Variants in SYNJ1 observed in about 807,000 individuals in gnomAD.
SYNJ1 encodes polyphosphatidylinositol phosphatase SYNJ1.
In SYNJ1, 78 loss-of-function variants were observed where a neutral mutation model predicts 168.2. That is an observed-to-expected ratio of 0.46 (90% CI 0.39 to 0.56). The LOEUF (loss-of-function observed/expected upper bound fraction) is 0.56, where lower values mean the gene tolerates loss of function less well. SYNJ1 is among the 20% of genes least tolerant of loss of function. The pLI is 0.00. For synonymous variants in SYNJ1, 539 were observed against 548.6 expected (o/e 0.98, Z 0.24); for missense variants, 1,303 against 1,597.6 (o/e 0.82, Z 3.14).
intron 6 of SYNJ1, among the ~76,000 whole-genome samples, chr21:32,688,971 G>A (rs2041927493): frequency 6.6e-6 from 1 of 152,158 alleles, no homozygotes; most frequent in Non-Finnish European, 1.5e-5. Flanking sequence ...AGTCAACCTT[G>A]CCATCACCCA....
Position 32,631,044 on chromosome 21 carries a change from G to T in SYNJ1, c.*761C>A. On this transcript the variant is annotated 3_prime_UTR_variant, in exon 33 of 33. Transcript: ENST00000674351. ...GGGTGAAGCCTTAGAGGCCAAGGTC[G>T]TGAAAGGATCTACTGGAGGGCTGGT... is the stretch of plus-strand genomic sequence containing the variant. 6.2e-7 allele frequency: 1 copy of T among 1,614,104 alleles called. No homozygotes were observed.
In SYNJ1 at chr21:32,646,610, A is replaced by G; in HGVS notation, c.3038-8T>C. The G allele has an allele frequency of 6.2e-7, 1 of 1,610,578 alleles. No homozygotes were observed. On this transcript the variant is annotated splice_polypyrimidine_tract_variant and splice_region_variant and intron_variant, in intron 23 of 32. Coordinates refer to ENST00000674351, the MANE Select transcript of SYNJ1 (RefSeq NM_203446.3). The stretch of plus-strand genomic sequence containing the variant: ...TATAGTCATCAACATCACCTAAGGA[A>G]AAGCAGGCTTGATCAGAGATAACTC...
chr21:32,641,126 G>A (rs1274577026), intron 29 of SYNJ1, among the ~76,000 whole-genome samples: 1 of 152,282 alleles, frequency 6.6e-6, no homozygotes, highest in East Asian at 1.9e-4. Flanking sequence ...CATAGGAAGT[G>A]GTTTCCTCAG....
chr21:32,695,671 ATTT>A (rs1196185205), intron 4 of SYNJ1, among the ~76,000 whole-genome samples: 1 of 148,810 alleles, frequency 6.7e-6, no homozygotes, highest in African/African-American at 2.5e-5. Context: ...TTATTTATTT[ATTT>A]ATTTTTGAGA....
At chr21:32,721,452 G>A (rs1184966863) in intron 2 of SYNJ1, among the ~76,000 whole-genome samples, 3 of 152,196 alleles carry the variant, frequency 2.0e-5, no homozygotes, top group Non-Finnish European at 2.9e-5. Context: ...GCTGAGGTGG[G>A]TGGATCACAA....
intron 2 of SYNJ1, among the ~76,000 whole-genome samples, chr21:32,706,664 G>A (rs1411344975): frequency 1.3e-5 from 2 of 152,010 alleles, no homozygotes; most frequent in Non-Finnish European, 2.9e-5. Flanking sequence ...TTTTATCTCT[G>A]ACGTTAATAA....
rs138603493 is a variant in SYNJ1 at position 32,658,081 on chromosome 21, A to T, written c.2305-209T>A. 2.5e-3 allele frequency among the ~76,000 whole-genome samples: 376 copies of T among 152,346 alleles called. 2 individuals are homozygous for T. Among genetic ancestry groups the T allele is most frequent in the African/African-American group, 7.8e-3 (325 of 41,594 alleles). ...TTTCATACCCATAGGGACAGGAGAC[A>T]GGGAAATTCTGGGCAGAAGTGGGTG... is the stretch of plus-strand genomic sequence containing the variant. On this transcript the variant is annotated intron_variant, in intron 18 of 32. Coordinates refer to ENST00000674351, the MANE Select transcript of SYNJ1 (RefSeq NM_203446.3).
chr21:32,673,189 T>C (rs1226524869), intron 14 of SYNJ1, 151 bp downstream of exon 14: 2 of 539,588 alleles, frequency 3.7e-6, no homozygotes, highest in African/African-American at 3.9e-5. Flanking sequence ...TTTTAATAGA[T>C]GTGATCTTTA....
chr21:32,704,404 C>T (rs1455137829), intron 2 of SYNJ1, among the ~76,000 whole-genome samples: 1 of 152,206 alleles, frequency 6.6e-6, no homozygotes, highest in Non-Finnish European at 1.5e-5. Flanking sequence ...ACATTTGTAT[C>T]TGAAGGACAG....
chr21:32,710,614 C>T (rs1391788503), intron 2 of SYNJ1, among the ~76,000 whole-genome samples: 1 of 151,962 alleles, frequency 6.6e-6, no homozygotes, highest in African/African-American at 2.4e-5. Context: ...AACCTGAAAC[C>T]CCTGGGCTCA....
chr21:32,728,035 C>T, upstream of SYNJ1: 1 of 1,531,908 alleles, frequency 6.5e-7, no homozygotes, highest in South Asian at 1.2e-5. Context: ...CCCATCTCTT[C>T]CGCATTGCGC....
chr21:32,669,211 A>AT (rs911506190), intron 15 of SYNJ1, among the ~76,000 whole-genome samples: 13 of 152,260 alleles, frequency 8.5e-5, no homozygotes, highest in African/African-American at 3.1e-4. Context: ...TTGGAATACA[A>AT]TTTTCCCTTA....
chr21:32,657,386 T>C (rs969786515), intron 19 of SYNJ1, among the ~76,000 whole-genome samples: 2 of 152,212 alleles, frequency 1.3e-5, no homozygotes, highest in African/African-American at 2.4e-5. Context: ...TGGTGTTTCA[T>C]AAACAATTCA....
At chr21:32,716,782 A>G (rs2043038330) in intron 2 of SYNJ1, among the ~76,000 whole-genome samples, 1 of 152,124 alleles carries the variant, frequency 6.6e-6, no homozygotes, top group South Asian at 2.1e-4. Context: ...ATATTGGGTC[A>G]CCGGAAGTCG....
chr21:32,726,134 C>T lies in SYNJ1; in HGVS notation c.124+638G>A, dbSNP rs191434516. 1.4e-4 allele frequency among the ~76,000 whole-genome samples: 22 copies of T among 152,356 alleles called. No individual in the cohort carries two copies. The East Asian group carries it at 3.7e-3, about 25-fold the overall frequency. Reference sequence around the variant, plus strand: ...GGACTACAGGCGTGAGCCCCCACACCTGGCATATCTTACATTAAGAAAGAC... The same window carrying T: ...GGACTACAGGCGTGAGCCCCCACACTTGGCATATCTTACATTAAGAAAGAC... On this transcript the variant is annotated intron_variant, in intron 2 of 32. Coordinates refer to ENST00000674351, the MANE Select transcript of SYNJ1 (RefSeq NM_203446.3).
chr21:32,653,170 T>C, intron 22 of SYNJ1, 118 bp downstream of exon 22: 3 of 773,996 alleles, frequency 3.9e-6, no homozygotes, highest in Non-Finnish European at 4.2e-6. Flanking sequence ...TCCTCGAACA[T>C]ACCATAAGGT....
intron 15 of SYNJ1, among the ~76,000 whole-genome samples, chr21:32,668,023 G>A (rs1189210404): frequency 6.6e-6 from 1 of 150,786 alleles, no homozygotes; most frequent in East Asian, 1.9e-4. Flanking sequence ...GTGTGTGTGT[G>A]TGTGTGTGTG....
rs542723514 is a variant in SYNJ1, at chr21:32,629,164, C to T, written c.*2641G>A. 1 of 152,752 alleles carries T rather than the reference C, an allele frequency of 6.5e-6. No homozygotes were observed. Among genetic ancestry groups the T allele is most frequent in the South Asian group, 2.1e-4 (1 of 4,826 alleles). 9.5% of individuals were successfully genotyped at this position (152,752 alleles called of 1,614,324 possible). A position where few individuals can be genotyped will look rare whatever the true frequency, so the allele number is the denominator to read the frequency against. On this transcript the variant is annotated 3_prime_UTR_variant, in exon 33 of 33. Transcript: ENST00000674351. ...TTTATATTCAATAGGAAACATTGCT[C>T]ACAGATCTGCAATTTGCACTAGTGA...
At chr21:32,688,194 G>A in intron 7 of SYNJ1, 112 bp downstream of exon 7, 2 of 932,778 alleles carry the variant, frequency 2.1e-6, no homozygotes, top group South Asian at 3.3e-5. Flanking sequence ...TAAATTAGGA[G>A]TCAGAGGAAT....
Sources: allele counts gnomAD v4.1 joint callset (sites outside exome capture counted in the v4.1 genomes callset), GRCh38; gene constraint gnomAD v4.1.1; transcripts MANE v1.5; gene names NCBI Gene and HGNC (gene_info 2026-07-23, HGNC 2026-07-21).